The following NEK10 variants were observed in gnomAD, a reference collection of about 807,000 sequenced individuals.
NEK10 encodes the protein NIMA related kinase 10.
NEK10 carries 122 observed loss-of-function variants against 159.8 expected under a neutral mutation model. The observed-to-expected ratio is 0.76, with a 90% CI of 0.66 to 0.89. NEK10 has a LOEUF of 0.89. NEK10 is among the 40% of genes least tolerant of loss of function. NEK10 has a pLI of 0.00. For missense variants in NEK10, 1,342 were observed against 1,323.1 expected (o/e 1.01, Z -0.22); for synonymous variants, 466 against 457.1 (o/e 1.02, Z -0.25).
Position 27,282,682 on chromosome 3 carries a change from TTATATATATACATAACTGTGTTA to T in NEK10, c.2014+1897_2014+1919del, listed in dbSNP as rs1452791350. ...TGTGTTATATATATACATAACTGTG[TTATATATATACATAACTGTGTTA>T]TATATATATACATAACTGTGTTATA... On this transcript the variant is annotated intron_variant, in intron 22 of 35. Transcript: ENST00000691995. Among the ~76,000 whole-genome samples, 313 of 138,588 alleles carry T rather than the reference TTATATATATACATAACTGTGTTA, an allele frequency of 2.3e-3. 1 individual carries two copies. The highest frequency in any genetic ancestry group is 4.2e-3 in the African/African-American group (152 of 35,922). 90.9% of individuals were successfully genotyped at this position (138,588 alleles called of 152,430 possible).
At chr3:27,256,430 CTTAGCA>C in intron 22 of NEK10, 59 bp from the exon 23 acceptor site, 1 of 1,043,710 alleles carries the variant, frequency 9.6e-7, no homozygotes, top group Non-Finnish European at 1.4e-6. Flanking sequence ...ATCATTGTTC[CTTAGCA>C]TTTGACAATC....
chr3:27,345,955 T>C (rs2047518401), intron 4 of NEK10, 131 bp downstream of exon 4: 1 of 757,116 alleles, frequency 1.3e-6, no homozygotes, highest in African/African-American at 2.5e-5. Context: ...TAACTGAAAA[T>C]ATTAAATTAA....
At chr3:27,330,572 T>A (rs1180838772) in intron 5 of NEK10, among the ~76,000 whole-genome samples, 4 of 152,252 alleles carry the variant, frequency 2.6e-5, no homozygotes, top group Non-Finnish European at 5.9e-5. Context: ...TAAGTTTTCA[T>A]GTTTTTATAA....
intron 23 of NEK10, among the ~76,000 whole-genome samples, chr3:27,251,227 G>A (rs1955631732): frequency 6.6e-6 from 1 of 152,200 alleles, no homozygotes; most frequent in Non-Finnish European, 1.5e-5. Context: ...TCTGATTCTA[G>A]AGTTTGTGCT....
At chr3:27,143,363 A>T in intron 30 of NEK10, 2 of 618,564 alleles carry the variant, frequency 3.2e-6, no homozygotes, top group South Asian at 4.0e-5. Context: ...GATTTTAATG[A>T]GTTAAAATCT....
chr3:27,366,322 C>G (rs1015451844), intron 1 of NEK10, among the ~76,000 whole-genome samples: 3 of 152,156 alleles, frequency 2.0e-5, no homozygotes, highest in African/African-American at 7.2e-5. Context: ...TCTATGAACT[C>G]TGCTCTACTG....
intron 30 of NEK10, among the ~76,000 whole-genome samples, chr3:27,159,152 T>G (rs887396212): frequency 6.6e-6 from 1 of 152,198 alleles, no homozygotes; most frequent in African/African-American, 2.4e-5. Flanking sequence ...CTTTCTGTTG[T>G]TTATATCAAG....
At chr3:27,352,975 C>A (rs760172316) in intron 1 of NEK10, 56 bp from the exon 2 acceptor site, 20 of 803,628 alleles carry the variant, frequency 2.5e-5, no homozygotes, top group Non-Finnish European at 3.3e-5. Context: ...CCAAAATATT[C>A]TCAGTTAATA....
chr3:27,116,544 G>A (rs1038452911), intron 33 of NEK10, among the ~76,000 whole-genome samples: 2 of 152,122 alleles, frequency 1.3e-5, no homozygotes, highest in Admixed American at 6.6e-5. Context: ...ATTCTTACAG[G>A]GAGGCAGATA....
chr3:27,179,511 C>A (rs1332413584), intron 26 of NEK10, among the ~76,000 whole-genome samples: 1 of 152,162 alleles, frequency 6.6e-6, no homozygotes, highest in Non-Finnish European at 1.5e-5. Context: ...TAACCTAGTA[C>A]TGTATCAGAA....
intron 1 of NEK10, among the ~76,000 whole-genome samples, chr3:27,362,059 A>C (rs2048725419): frequency 6.6e-6 from 1 of 152,236 alleles, no homozygotes; most frequent in Admixed American, 6.5e-5. Flanking sequence ...AGTGTCAAAA[A>C]GCAGAAAAAA....
At chr3:27,360,420 T>C (rs1349131102) in intron 1 of NEK10, among the ~76,000 whole-genome samples, 1 of 151,962 alleles carries the variant, frequency 6.6e-6, no homozygotes, top group Non-Finnish European at 1.5e-5. Context: ...ACAAAACAAA[T>C]GTATAGGTCA....
At chr3:27,164,869 G>A (rs1340686213) in intron 29 of NEK10, among the ~76,000 whole-genome samples, 1 of 152,216 alleles carries the variant, frequency 6.6e-6, no homozygotes, top group Non-Finnish European at 1.5e-5. Flanking sequence ...TTTGCAAGAT[G>A]ACTATTCCAG....
chr3:27,325,010 A>T (rs574794), intron 5 of NEK10, among the ~76,000 whole-genome samples: 8,044 of 152,250 alleles, frequency 0.053, 358 homozygotes, highest in African/African-American at 0.12. Flanking sequence ...AATTTGAAAG[A>T]TGTTCTCCAT....
At chr3:27,118,900 G>A (rs1940883370) in intron 33 of NEK10, among the ~76,000 whole-genome samples, 1 of 152,156 alleles carries the variant, frequency 6.6e-6, no homozygotes, top group South Asian at 2.1e-4. Context: ...AGCAACAAAA[G>A]CACAACAAAA....
At chr3:27,279,539 G>A (rs1370348617) in intron 22 of NEK10, among the ~76,000 whole-genome samples, 1 of 151,946 alleles carries the variant, frequency 6.6e-6, no homozygotes, top group East Asian at 1.9e-4. Context: ...AGAGACTAAT[G>A]GACATATTTA....
intron 23 of NEK10, among the ~76,000 whole-genome samples, chr3:27,229,545 G>A (rs1469285904): frequency 6.6e-6 from 1 of 152,056 alleles, no homozygotes; most frequent in Non-Finnish European, 1.5e-5. Flanking sequence ...GCTAGATAAA[G>A]AATTCAGAAG....
chr3:27,150,311 A>G (rs1944706421), intron 30 of NEK10, among the ~76,000 whole-genome samples: 1 of 152,218 alleles, frequency 6.6e-6, no homozygotes, highest in Non-Finnish European at 1.5e-5. Context: ...CTTTTATTGC[A>G]AGTAGAGGCC....
At chr3:27,313,329 C>G (rs748576785) in intron 7 of NEK10, among the ~76,000 whole-genome samples, 1 of 151,994 alleles carries the variant, frequency 6.6e-6, no homozygotes, top group Non-Finnish European at 1.5e-5. Context: ...ATGCAAGCCT[C>G]TGAGTTGCTC....
Sources: allele counts gnomAD v4.1 joint callset (sites outside exome capture counted in the v4.1 genomes callset), GRCh38; gene constraint gnomAD v4.1.1; transcripts MANE v1.5; gene names NCBI Gene and HGNC (gene_info 2026-07-23, HGNC 2026-07-21).